The following MEIKIN variants were observed in gnomAD, a reference collection of about 807,000 sequenced individuals.
MEIKIN encodes meiosis-specific kinetochore protein.
intron 11 of MEIKIN, among the ~76,000 whole-genome samples, chr5:131,838,770 C>T (rs1037992771): frequency 6.6e-6 from 1 of 151,742 alleles, no homozygotes; most frequent in Admixed American, 6.6e-5. Flanking sequence ...AGCTAGCAGT[C>T]TATGCATTGT....
chr5:131,874,294 T>A (rs1025339295), intron 9 of MEIKIN, among the ~76,000 whole-genome samples: 10 of 151,972 alleles, frequency 6.6e-5, no homozygotes, highest in Admixed American at 3.9e-4. Context: ...ATAGATGCAA[T>A]AGAAAATGAT....
intron 3 of MEIKIN, 84 bp from the exon 4 acceptor site, chr5:131,942,779 A>T (rs937532152): frequency 2.5e-6 from 1 of 393,110 alleles, no homozygotes; most frequent in African/African-American, 2.1e-5. Context: ...TTTATTTTAG[A>T]AAAATGAAAA....
chr5:131,900,111 A>G (rs1455299164), intron 8 of MEIKIN, among the ~76,000 whole-genome samples: 4 of 152,220 alleles, frequency 2.6e-5, no homozygotes, highest in African/African-American at 9.7e-5. Flanking sequence ...AAACATTCCA[A>G]AAAACTAAAA....
At chr5:131,917,020 T>C in intron 6 of MEIKIN, 95 bp from the exon 7 acceptor site, 1 of 385,240 alleles carries the variant, frequency 2.6e-6, no homozygotes, top group Non-Finnish European at 4.6e-6. Context: ...AGTTCATTTT[T>C]ATAACTTTTT....
Position 131,944,723 on chromosome 5 carries a change from C to T in MEIKIN, c.230G>A (p.Ser77Asn), listed in dbSNP as rs1262644880. Residue 77 changes from serine (S) to asparagine (N), a missense_variant, in exon 3 of 13, where the codon AGC (serine) becomes AAC (asparagine). Ser to Asn is a conservative substitution (Grantham distance 46, BLOSUM62 1). Transcript: ENST00000442687. ...TTCACTAGACCTATTTTCTTGCAGG[C>T]TTTTCTCTCCTGTAACTCCTAAGCG... ...SPRLGVTGEKSLQENRSSEDT... is the reference protein window; with the variant it reads ...SPRLGVTGEKNLQENRSSEDT... 1 of 399,060 alleles carries T rather than the reference C, an allele frequency of 2.5e-6. No individual in the cohort carries two copies. The highest frequency in any genetic ancestry group is 2.1e-5 in the African/African-American group (1 of 48,774). The allele number at this position is 399,060 out of a possible 1,614,324, so 24.7% of individuals were successfully genotyped here. A position where few individuals can be genotyped will look rare whatever the true frequency, so the allele number is the denominator to read the frequency against.
chr5:131,855,216 T>C (rs1261367295), intron 9 of MEIKIN, among the ~76,000 whole-genome samples: 1 of 152,222 alleles, frequency 6.6e-6, no homozygotes, highest in African/African-American at 2.4e-5. Context: ...TAATTCTTAG[T>C]ATATTATTGT....
At chr5:131,871,468 C>T (rs543291623) in intron 9 of MEIKIN, among the ~76,000 whole-genome samples, 146 of 152,310 alleles carry the variant, frequency 9.6e-4, no homozygotes, top group Non-Finnish European at 1.4e-3. Flanking sequence ...CCGCCATTCC[C>T]GAGTCTTGAT....
chr5:131,925,049 C>T (rs1025560425), intron 5 of MEIKIN, among the ~76,000 whole-genome samples: 6 of 152,130 alleles, frequency 3.9e-5, no homozygotes, highest in Admixed American at 6.5e-5. Flanking sequence ...ATTCAGTTTT[C>T]CCAATAGCAT....
chr5:131,810,851 T>C (rs1561719029), intron 12 of MEIKIN, among the ~76,000 whole-genome samples: 2 of 152,216 alleles, frequency 1.3e-5, no homozygotes, highest in Non-Finnish European at 2.9e-5. Flanking sequence ...ACAAAAATCA[T>C]ACTGATCACA....
At chr5:131,819,814 C>A (rs1749455917) in intron 11 of MEIKIN, among the ~76,000 whole-genome samples, 1 of 110,762 alleles carries the variant, frequency 9.0e-6, no homozygotes, top group Non-Finnish European at 1.7e-5. Flanking sequence ...CTCGCTCTGT[C>A]GCCCAGGCTG....
intron 12 of MEIKIN, among the ~76,000 whole-genome samples, chr5:131,810,696 G>A (rs1210472169): frequency 6.6e-6 from 1 of 152,210 alleles, no homozygotes; most frequent in Non-Finnish European, 1.5e-5. Flanking sequence ...CATTGAGAAA[G>A]CTTAGACTAG....
chr5:131,827,251 C>T (rs1749630838), intron 11 of MEIKIN, among the ~76,000 whole-genome samples: 3 of 151,998 alleles, frequency 2.0e-5, no homozygotes, highest in Admixed American at 1.3e-4. Context: ...TCCCAAAGTG[C>T]TGAGATTACA....
At chr5:131,934,076 C>G (rs1011371725) in intron 4 of MEIKIN, among the ~76,000 whole-genome samples, 1 of 151,878 alleles carries the variant, frequency 6.6e-6, no homozygotes, top group Middle Eastern at 3.2e-3. Context: ...CTCAGCCTCC[C>G]GAGTAGCTGG....
Position 131,843,734 on chromosome 5 carries a change from C to A in MEIKIN, c.975+7530G>T, listed in dbSNP as rs1471975687. On this transcript the variant is annotated intron_variant, in intron 11 of 12. Coordinates refer to ENST00000442687, the MANE Select transcript of MEIKIN (RefSeq NM_001303622.2). ...CAGCATTTTGGTCAAAACCATTCAA[C>A]AAGTCTCCAGGAAGTTCCAAACCTT... Among the ~76,000 whole-genome samples, 2 of 152,218 alleles carry A rather than the reference C, an allele frequency of 1.3e-5. 1 individual carries two copies. Among genetic ancestry groups the A allele is most frequent in the African/African-American group, 4.8e-5 (2 of 41,458 alleles).
At chr5:131,890,068 G>A (rs1425835510) in intron 8 of MEIKIN, among the ~76,000 whole-genome samples, 3 of 152,166 alleles carry the variant, frequency 2.0e-5, no homozygotes, top group Non-Finnish European at 4.4e-5. Flanking sequence ...AAGCCCACTT[G>A]ATCATGGTGG....
chr5:131,811,284 T>C (rs1033823699), intron 12 of MEIKIN, among the ~76,000 whole-genome samples: 5 of 152,100 alleles, frequency 3.3e-5, no homozygotes, highest in Admixed American at 6.5e-5. Context: ...GAAACTAATA[T>C]GACAGGCCAA....
intron 5 of MEIKIN, among the ~76,000 whole-genome samples, chr5:131,925,663 T>G (rs1170284771): frequency 6.6e-6 from 1 of 150,806 alleles, no homozygotes; most frequent in African/African-American, 2.5e-5. Flanking sequence ...AGTTTTTGTG[T>G]TTTTTTTGTT....
intron 11 of MEIKIN, among the ~76,000 whole-genome samples, chr5:131,823,644 C>A (rs1293409926): frequency 6.6e-6 from 1 of 152,100 alleles, no homozygotes; most frequent in African/African-American, 2.4e-5. Context: ...ATTTTGAATT[C>A]TCTGTCTGAA....
At chr5:131,858,077 G>A (rs1389495939) in intron 9 of MEIKIN, among the ~76,000 whole-genome samples, 1 of 152,194 alleles carries the variant, frequency 6.6e-6, no homozygotes, top group African/African-American at 2.4e-5. Flanking sequence ...CAGCAGAGCA[G>A]GAACACCGGG....
Sources: gnomAD v4.1 joint callset for allele counts (sites outside exome capture counted in the v4.1 genomes callset) on GRCh38, gnomAD v4.1.1 for gene constraint, MANE v1.5 for transcripts, NCBI Gene and HGNC (gene_info 2026-07-23, HGNC 2026-07-21) for gene names.